The following PCDHA2 variants were observed in gnomAD, a reference collection of about 807,000 sequenced individuals.
PCDHA2 encodes the protein protocadherin alpha-2.
A neutral mutation model predicts 66.0 loss-of-function variants in PCDHA2; 58 were observed. The ratio of observed to expected loss-of-function variants is 0.88; its 90% CI spans 0.71 to 1.09. PCDHA2 has a LOEUF of 1.09. PCDHA2 is among the 50% of genes least tolerant of loss of function. PCDHA2 has a pLI of 0.00. For missense variants in PCDHA2, 1,267 were observed against 1,242.3 expected (o/e 1.02, Z -0.30); for synonymous variants, 634 against 554.0 (o/e 1.14, Z -2.03).
chr5:140,844,617 C>G lies in PCDHA2; in HGVS notation c.2388+47265C>G, dbSNP rs1271034254. 1.3e-5 allele frequency among the ~76,000 whole-genome samples: 2 copies of G among 149,204 alleles called. 1 individual carries two copies. The highest frequency in any genetic ancestry group is 4.9e-5 in the African/African-American group (2 of 40,768). ...AATATATGACTTAGAAAAATGTTTT[C>G]ATCAGAAAAACTATACATGATAATT... On this transcript the variant is annotated intron_variant, in intron 1 of 3. Coordinates refer to ENST00000526136, the MANE Select transcript of PCDHA2 (RefSeq NM_018905.3).
chr5:140,884,662 G>C lies in PCDHA2; in HGVS notation c.2388+87310G>C, dbSNP rs372022274. On this transcript the variant is annotated intron_variant, in intron 1 of 3. Transcript: ENST00000526136. ...AGGAGGACTCAGAATGCTTGAAAGA[G>C]GTAAGCTTATATTTTAAAAAATTGT... is the stretch of plus-strand genomic sequence containing the variant. 11 of 1,589,820 alleles carry C rather than the reference G, an allele frequency of 6.9e-6. No homozygotes were observed. In the African/African-American group the frequency reaches 9.4e-5, roughly 14 times the overall value.
At chr5:140,908,248 C>G (rs2073877594) in intron 1 of PCDHA2, among the ~76,000 whole-genome samples, 2 of 152,154 alleles carry the variant, frequency 1.3e-5, no homozygotes, top group South Asian at 4.1e-4. Context: ...TCCTCATCAA[C>G]TGATCATAGG....
chr5:140,824,627 T>TTTTTTTTTTTTTTTTTTTTTTTG (rs1554130003), intron 1 of PCDHA2: 1 of 134,010 alleles, frequency 7.5e-6, no homozygotes, highest in African/African-American at 3.2e-5. Flanking sequence ...TTTTTTTTTT[T>TTTTTTTTTTTTTTTTTTTTTTTG]TTTTTATTTT....
At chr5:140,875,568 C>G in intron 1 of PCDHA2, 2 of 1,614,114 alleles carry the variant, frequency 1.2e-6, no homozygotes, top group Non-Finnish European at 1.7e-6. Context: ...GCCAGCTCCA[C>G]TACTCCGTCT....
chr5:140,877,220 G>C (rs560974692), intron 1 of PCDHA2: 2 of 1,613,740 alleles, frequency 1.2e-6, no homozygotes, highest in East Asian at 2.2e-5. Context: ...TTGGTACCGC[G>C]GTCGGTGGGT....
intron 3 of PCDHA2, among the ~76,000 whole-genome samples, chr5:140,985,949 C>T (rs1195801055): frequency 2.6e-5 from 4 of 152,032 alleles, no homozygotes; most frequent in African/African-American, 9.7e-5. Context: ...CTGTGTTAGC[C>T]AGGATGGTCT....
chr5:140,863,231 C>G (rs189351986), intron 1 of PCDHA2: 1 of 1,227,526 alleles, frequency 8.1e-7, no homozygotes, highest in Non-Finnish European at 1.2e-6. Flanking sequence ...AAGGTCCCAT[C>G]GCGGGCTTTG....
chr5:140,808,077 C>G, intron 1 of PCDHA2: 1 of 1,613,850 alleles, frequency 6.2e-7, no homozygotes, highest in Non-Finnish European at 8.5e-7. Context: ...CACATAGATC[C>G]AATTACTGGA....
intron 1 of PCDHA2, among the ~76,000 whole-genome samples, chr5:140,975,044 G>A (rs115613317): frequency 0.045 from 6,815 of 152,244 alleles, 210 homozygotes; most frequent in Non-Finnish European, 0.062. Flanking sequence ...AGGCTCTTAG[G>A]AAGAATCTAC....
intron 1 of PCDHA2, among the ~76,000 whole-genome samples, chr5:140,934,524 G>A (rs181182103): frequency 4.4e-4 from 67 of 152,192 alleles, no homozygotes; most frequent in Admixed American, 3.1e-3. Context: ...ACCACACTTC[G>A]AGAGCTACCG....
intron 1 of PCDHA2, chr5:140,836,260 T>C (rs2150256538): frequency 6.2e-7 from 1 of 1,613,780 alleles, no homozygotes; most frequent in Admixed American, 1.7e-5. Flanking sequence ...CGCGTGGGGC[T>C]GTACACTGGT....
In PCDHA2 at chr5:140,990,889, G is replaced by A. The variant is rs569864202; in HGVS notation, c.2536+8326G>A. Among the ~76,000 whole-genome samples, 53 of 152,284 alleles carry A rather than the reference G, an allele frequency of 3.5e-4. 2 individuals are homozygous for A. The South Asian group carries it at 8.3e-3, about 24-fold the overall frequency. Reference sequence around the variant, plus strand: ...TTTAAGTGTATGTTCCAGTGAGTGGGTCGTTGCTGGGTCAAGTTTTATAAG... The same window carrying A: ...TTTAAGTGTATGTTCCAGTGAGTGGATCGTTGCTGGGTCAAGTTTTATAAG... On this transcript the variant is annotated intron_variant, in intron 3 of 3. Transcript: ENST00000526136.
chr5:140,876,620 G>A lies in PCDHA2; in HGVS notation c.2388+79268G>A, dbSNP rs782423759. The A allele has an allele frequency of 1.1e-5, 18 of 1,614,062 alleles. No homozygotes were observed. The highest frequency in any genetic ancestry group is 1.7e-5 in the Admixed American group (1 of 60,010). Reference sequence around the variant, plus strand: ...TCGGATCGTGACTCTGGAGCCAATGGACAGGTCATCTGCTCACTGACACCT... The same window carrying A: ...TCGGATCGTGACTCTGGAGCCAATGAACAGGTCATCTGCTCACTGACACCT... On this transcript the variant is annotated intron_variant, in intron 1 of 3. Coordinates refer to ENST00000526136, the MANE Select transcript of PCDHA2 (RefSeq NM_018905.3).
chr5:140,841,975 C>T (rs1777621234), intron 1 of PCDHA2: 7 of 1,613,726 alleles, frequency 4.3e-6, no homozygotes, highest in Non-Finnish European at 5.9e-6. Context: ...CAGATGGGGG[C>T]AAACCTGAGC....
chr5:140,808,898 G>A, intron 1 of PCDHA2: 2 of 1,613,480 alleles, frequency 1.2e-6, no homozygotes, highest in Non-Finnish European at 1.7e-6. Context: ...GCCTCGGGCG[G>A]GTGGCACTGG....
chr5:140,799,261 AC>A (rs1192187850), intron 1 of PCDHA2, among the ~76,000 whole-genome samples: 3 of 152,026 alleles, frequency 2.0e-5, no homozygotes, highest in African/African-American at 7.2e-5. Context: ...TATGGAGTCT[AC>A]TCTGCTATAA....
At chr5:140,905,408 C>G (rs1374273315) in intron 1 of PCDHA2, among the ~76,000 whole-genome samples, 1 of 152,142 alleles carries the variant, frequency 6.6e-6, no homozygotes, top group Non-Finnish European at 1.5e-5. Flanking sequence ...TATTTTTATA[C>G]CAGTACCATG....
intron 1 of PCDHA2, chr5:140,850,243 G>A: frequency 6.3e-7 from 1 of 1,593,880 alleles, no homozygotes; most frequent in Non-Finnish European, 8.6e-7. Flanking sequence ...ATGGTGCTGC[G>A]GTCGGTGGGC....
chr5:140,941,191 T>TTTTTTTTCTTTC (rs1554213809), intron 1 of PCDHA2, among the ~76,000 whole-genome samples: 2 of 93,204 alleles, frequency 2.1e-5, no homozygotes, highest in African/African-American at 7.9e-5. Context: ...GCTTCTTTTT[T>TTTTTTTTCTTTC]TTTCTTTCTT....
Sources: allele counts gnomAD v4.1 joint callset (sites outside exome capture counted in the v4.1 genomes callset), GRCh38; gene constraint gnomAD v4.1.1; transcripts MANE v1.5; gene names NCBI Gene and HGNC (gene_info 2026-07-23, HGNC 2026-07-21).